Variants in VPS13D observed in about 807,000 individuals in gnomAD.
The protein encoded by VPS13D is intermembrane lipid transfer protein VPS13D.
Under a neutral mutation model 461.9 loss-of-function variants are expected in VPS13D, and 187 were observed. That is an observed-to-expected ratio of 0.40 (90% CI 0.36 to 0.46). VPS13D has a LOEUF of 0.46. VPS13D is among the 20% of genes least tolerant of loss of function. VPS13D has a pLI of 0.60. For synonymous variants in VPS13D, 1,951 were observed against 1,986.3 expected (o/e 0.98, Z 0.47); for missense variants, 4,711 against 5,364.9 (o/e 0.88, Z 3.81).
At chr1:12,426,601 A>C (rs1207059960) in intron 65 of VPS13D, among the ~76,000 whole-genome samples, 1 of 152,052 alleles carries the variant, frequency 6.6e-6, no homozygotes, top group Non-Finnish European at 1.5e-5. Flanking sequence ...CAAATTTTGT[A>C]GATTTTTTGT....
At chr1:12,478,853 G>A (rs1645672376) in intron 67 of VPS13D, 1 of 455,974 alleles carries the variant, frequency 2.2e-6, no homozygotes, top group Admixed American at 2.3e-5. Flanking sequence ...TGTCTCCAAG[G>A]AGGCCGCATC....
intron 65 of VPS13D, among the ~76,000 whole-genome samples, chr1:12,424,475 C>A (rs899994244): frequency 2.0e-5 from 3 of 152,070 alleles, no homozygotes; most frequent in African/African-American, 7.2e-5. Flanking sequence ...TTGTGGGGGC[C>A]GGGGTAGAGT....
chr1:12,461,676 G>A (rs956835995), intron 67 of VPS13D, among the ~76,000 whole-genome samples: 2 of 152,200 alleles, frequency 1.3e-5, no homozygotes, highest in African/African-American at 4.8e-5. Context: ...TTAATGAAGT[G>A]TAAAGCTGAA....
chr1:12,407,979 G>A (rs1329985384), intron 63 of VPS13D, among the ~76,000 whole-genome samples: 3 of 152,164 alleles, frequency 2.0e-5, no homozygotes, highest in Non-Finnish European at 4.4e-5. Context: ...GTGCTGAACT[G>A]ATTGTCAGTA....
chr1:12,294,051 C>G (rs1317696146), intron 24 of VPS13D, among the ~76,000 whole-genome samples: 1 of 152,156 alleles, frequency 6.6e-6, no homozygotes, highest in Non-Finnish European at 1.5e-5. Flanking sequence ...AAGTTCTAAA[C>G]TGAGTTCGTG....
At chr1:12,383,232 T>C in intron 58 of VPS13D, 77 bp downstream of exon 58, 2 of 1,404,936 alleles carry the variant, frequency 1.4e-6, no homozygotes, top group South Asian at 2.8e-5. Context: ...TAACAAATAC[T>C]TATTGAACAT....
chr1:12,362,021 C>G (rs1272109138), intron 50 of VPS13D, among the ~76,000 whole-genome samples: 1 of 152,134 alleles, frequency 6.6e-6, no homozygotes. Context: ...TGCCACCATG[C>G]CCAGCTAATT....
At chr1:12,395,548 TAGC>T (rs1015058669) in intron 60 of VPS13D, among the ~76,000 whole-genome samples, 2 of 152,196 alleles carry the variant, frequency 1.3e-5, no homozygotes, top group African/African-American at 4.8e-5. Flanking sequence ...AGGGCAATCT[TAGC>T]AGATTTGAGG....
At position 12,244,167 on chromosome 1, in the gene VPS13D, A is replaced by G. The variant is rs1047285336; in HGVS notation, c.176-79A>G. 1.0e-5 allele frequency: 15 copies of G among 1,469,490 alleles called. 1 individual carries two copies. The South Asian group carries it at 1.4e-4, about 14-fold the overall frequency. 91.0% of individuals were successfully genotyped at this position (1,469,490 alleles called of 1,614,324 possible). On this transcript the variant is annotated intron_variant, in intron 3 of 69. Coordinates refer to ENST00000620676, the MANE Select transcript of VPS13D (RefSeq NM_015378.4). The stretch of plus-strand genomic sequence containing the variant: ...TAACAGCAATCCATGCTCCTTAAAC[A>G]AAATTGTAAAAATACCAAAAAATGG...
intron 40 of VPS13D, among the ~76,000 whole-genome samples, chr1:12,339,451 C>T (rs980915275): frequency 2.6e-5 from 4 of 152,168 alleles, no homozygotes; most frequent in South Asian, 2.1e-4. Context: ...GAAACAAGTC[C>T]GAAGGGGTAG....
In VPS13D at chr1:12,415,065, A is replaced by G. The variant is rs375908025; in HGVS notation, c.12031-22A>G. On this transcript the variant is annotated intron_variant, in intron 63 of 69. Transcript: ENST00000620676. ...GGCCATCATATGACTTAAGTATGTC[A>G]TTTCCTTTCTTCCCTAATTAGGCCC... The G allele has an allele frequency of 8.7e-6, 14 of 1,613,096 alleles. No homozygotes were observed. In the African/African-American group the frequency reaches 1.1e-4, roughly 12 times the overall value.
chr1:12,234,505 A>G, intron 2 of VPS13D, 142 bp downstream of exon 2: 1 of 547,276 alleles, frequency 1.8e-6, no homozygotes, highest in Non-Finnish European at 3.2e-6. Flanking sequence ...TATCATCCTG[A>G]TGATTTTTCC....
intron 66 of VPS13D, 108 bp downstream of exon 66, chr1:12,456,238 T>G: frequency 7.0e-7 from 1 of 1,437,442 alleles, no homozygotes; most frequent in Non-Finnish European, 9.1e-7. Context: ...GCGCGGTGGC[T>G]CATGCTTGTA....
chr1:12,358,457 A>G lies in VPS13D; in HGVS notation c.9999-2A>G, dbSNP rs1164741177. Reference sequence around the variant, plus strand: ...CTACATCTTTGCTTTTCTGCCCCACAGCTGCACGATGAGAATCGGAAGGGG... The same window carrying G: ...CTACATCTTTGCTTTTCTGCCCCACGGCTGCACGATGAGAATCGGAAGGGG... On this transcript the variant is annotated splice_acceptor_variant, in intron 49 of 69. Transcript: ENST00000620676. LOFTEE classifies it high-confidence loss of function. 1 of 1,614,056 alleles carries G rather than the reference A, an allele frequency of 6.2e-7. No homozygotes were observed. The highest frequency in any genetic ancestry group is 8.5e-7 in the Non-Finnish European group (1 of 1,179,980).
rs1470851597 is a variant in VPS13D, at chr1:12,283,450, C to T, written c.5348C>T (p.Ser1783Phe). The T allele has an allele frequency of 6.2e-7, 1 of 1,614,194 alleles. No individual in the cohort carries two copies. Among genetic ancestry groups the T allele is most frequent in the Admixed American group, 1.7e-5 (1 of 60,028 alleles). ...GTTGGAAAGAGTAAATTTGATGATTCCTTAGTCCACATCAACATATTCTTG... is the reference window on the plus strand; with the variant it reads ...GTTGGAAAGAGTAAATTTGATGATTTCTTAGTCCACATCAACATATTCTTG... Reference protein sequence around the residue: ...ILVGKSKFDDSLVHINIFLVD... With the variant: ...ILVGKSKFDDFLVHINIFLVD... The change falls in exon 21 of 70, where the codon TCC becomes TTC. Residue 1783 changes from serine (S) to phenylalanine (F), a missense_variant. Ser to Phe is a radical substitution (Grantham distance 155, BLOSUM62 -2). Around this residue, in one of 3 missense-constraint regions of VPS13D, gnomAD observed 4,411 missense variants for 4,937.8 expected, o/e 0.89. Transcript: ENST00000620676.
intron 68 of VPS13D, among the ~76,000 whole-genome samples, chr1:12,500,986 C>G (rs1646027622): frequency 6.6e-6 from 1 of 151,884 alleles, no homozygotes; most frequent in African/African-American, 2.4e-5. Flanking sequence ...CCTGGGAGGT[C>G]AAGGCTGCAG....
At chr1:12,456,892 AG>A (rs891805672) in intron 66 of VPS13D, among the ~76,000 whole-genome samples, 5 of 152,266 alleles carry the variant, frequency 3.3e-5, no homozygotes, top group Non-Finnish European at 7.3e-5. Flanking sequence ...TACTTCTCTT[AG>A]AATTGTAACC....
rs1270994084 is a variant in VPS13D, at chr1:12,291,110, C to G, written c.5838C>G (p.Ile1946Met). Residue 1946 changes from isoleucine (I) to methionine (M), a missense_variant, in exon 23 of 70, where the codon ATC (isoleucine) becomes ATG (methionine). By Grantham distance (10) the Ile-to-Met change is conservative. Coordinates refer to ENST00000620676, the MANE Select transcript of VPS13D (RefSeq NM_015378.4). The stretch of plus-strand genomic sequence containing the variant: ...CTACCAGTGGTGAAGAAGCACTCAT[C>G]TTCCAGACTTTTAAGTAAAAATGTC... ...RFTTSGEEAL[I>M]FQTFKYGRPD... 7 of 1,611,710 alleles carry G rather than the reference C, an allele frequency of 4.3e-6. No individual in the cohort carries two copies. The Admixed American group carries it at 1.0e-4, about 23-fold the overall frequency.
chr1:12,485,686 A>T (rs1645788662), intron 67 of VPS13D, among the ~76,000 whole-genome samples: 1 of 151,962 alleles, frequency 6.6e-6, no homozygotes, highest in Non-Finnish European at 1.5e-5. Context: ...CCCGCAGGGG[A>T]TCTGGGAGAA....
Sources: allele counts gnomAD v4.1 joint callset (sites outside exome capture counted in the v4.1 genomes callset), GRCh38; gene constraint gnomAD v4.1.1; regional missense constraint gnomAD v4.1.1; transcripts MANE v1.5; gene names NCBI Gene and HGNC (gene_info 2026-07-23, HGNC 2026-07-21).